Variants in RBM34 observed in about 807,000 individuals in gnomAD.
RBM34 encodes the protein RNA binding motif protein 34.
In RBM34, 39 loss-of-function variants were observed where a neutral mutation model predicts 44.6. That is an observed-to-expected ratio of 0.87 (90% CI 0.68 to 1.14). RBM34 has a LOEUF of 1.14. Ranked by LOEUF, RBM34 falls within the 50% of genes most tolerant of loss-of-function variation. The pLI, the probability that RBM34 is intolerant of heterozygous loss-of-function variation, is 0.00. For synonymous variants in RBM34, 194 were observed against 184.0 expected, an observed-to-expected ratio of 1.05 and a Z score of -0.44; for missense variants, 572 against 517.9, an observed-to-expected ratio of 1.10 and a Z score of -1.01.
At chr1:235,156,169 C>G (rs924998561) in intron 3 of RBM34, among the ~76,000 whole-genome samples, 3 of 151,126 alleles carry the variant, frequency 2.0e-5, no homozygotes. Context: ...CGCCCAGTCT[C>G]CTTTTATATT....
chr1:235,160,243 C>G, intron 3 of RBM34: 1 of 566,378 alleles, frequency 1.8e-6, no homozygotes, highest in Non-Finnish European at 3.3e-6. Flanking sequence ...GGCATCAAGA[C>G]TCCATCTCAA....
At chr1:235,155,862 T>TATATATATATAC (rs1322918501) in intron 3 of RBM34, among the ~76,000 whole-genome samples, 21 of 39,952 alleles carry the variant, frequency 5.3e-4, no homozygotes, top group African/African-American at 2.8e-3. Context: ...TATATATATA[T>TATATATATATAC]ATATACATAT....
chr1:235,136,426 A>G (rs1661435918), intron 8 of RBM34, among the ~76,000 whole-genome samples: 1 of 152,182 alleles, frequency 6.6e-6, no homozygotes, highest in South Asian at 2.1e-4. Flanking sequence ...CTCTGCCATT[A>G]TACCTTGAGA....
At chr1:235,148,474 A>C (rs370971541) in intron 5 of RBM34, 27 bp from the exon 6 acceptor site, 16 of 1,555,924 alleles carry the variant, frequency 1.0e-5, no homozygotes, top group African/African-American at 2.8e-5. Flanking sequence ...AAAAGTATTA[A>C]AGACAGTATT....
chr1:235,146,678 T>C (rs1302486643), intron 6 of RBM34, among the ~76,000 whole-genome samples: 9 of 152,304 alleles, frequency 5.9e-5, no homozygotes, highest in African/African-American at 2.2e-4. Flanking sequence ...TGGAGTGCAA[T>C]GGCGTGATCT....
At chr1:235,154,043 G>A (rs1558147838) in intron 4 of RBM34, among the ~76,000 whole-genome samples, 1 of 151,924 alleles carries the variant, frequency 6.6e-6, no homozygotes, top group Non-Finnish European at 1.5e-5. Flanking sequence ...TCAGGAAATC[G>A]AGACCATCCT....
intron 10 of RBM34, among the ~76,000 whole-genome samples, chr1:235,133,520 A>T (rs1334738681): frequency 6.6e-6 from 1 of 152,212 alleles, no homozygotes; most frequent in Non-Finnish European, 1.5e-5. Context: ...GTTCACAGAG[A>T]CAAGTTCAAC....
At position 235,160,909 on chromosome 1, in the gene RBM34, T is replaced by G; in HGVS notation, c.212A>C (p.Tyr71Ser). 2 of 1,614,158 alleles carry G rather than the reference T, an allele frequency of 1.2e-6. No homozygotes were observed. Among genetic ancestry groups the G allele is most frequent in the Non-Finnish European group, 1.7e-6 (2 of 1,180,038 alleles). ...SSLEPQIQPV[Y>S]VPVPKQTIKK... ...GTGACTTACTTTAGGCACAGGCACG[T>G]ACACGGGTTGAATCTGGGGCTCCAG... is the stretch of plus-strand genomic sequence containing the variant. Residue 71 changes from tyrosine (Y) to serine (S), a missense_variant, in exon 2 of 11, where the codon TAC (tyrosine) becomes TCC (serine). Coordinates refer to ENST00000408888, the MANE Select transcript of RBM34 (RefSeq NM_015014.4).
chr1:235,160,605 T>C lies in RBM34; in HGVS notation c.271A>G (p.Thr91Ala). ...KTKRNEEEES[T>A]SQIERPLSQE... is the part of the protein sequence containing the mutation. The stretch of plus-strand genomic sequence containing the variant: ...GAAAGTGGTCTTTCAATCTGGGATG[T>C]ACTTTCTTCCTCCTCATTCCGTTTC... Residue 91 changes from threonine to alanine, a missense_variant, in exon 3 of 11, where the codon ACA becomes GCA. Thr to Ala is a moderately conservative substitution (Grantham distance 58). Coordinates refer to ENST00000408888, the MANE Select transcript of RBM34 (RefSeq NM_015014.4). 1.2e-6 allele frequency: 2 copies of C among 1,613,888 alleles called. No individual in the cohort carries two copies. The highest frequency in any genetic ancestry group is 1.7e-6 in the Non-Finnish European group (2 of 1,179,922).
At chr1:235,149,388 CAAAAAAAAAAA>C (rs1171671362) in intron 5 of RBM34, among the ~76,000 whole-genome samples, 1 of 58,002 alleles carries the variant, frequency 1.7e-5, no homozygotes, top group African/African-American at 6.1e-5. Context: ...GACTCCGTCT[CAAAAAAAAAAA>C]AAAAAAAAGG....
intron 6 of RBM34, 132 bp downstream of exon 6, chr1:235,148,272 G>T: frequency 1.8e-6 from 1 of 548,708 alleles, no homozygotes; most frequent in Non-Finnish European, 3.0e-6. Context: ...AAATACAGAA[G>T]CAAACAGTCA....
Position 235,131,717 on chromosome 1 carries a change from TTC to T in RBM34, c.1287_1288del (p.Lys430IlefsTer12), listed in dbSNP as rs1661203257. The T allele has an allele frequency of 6.3e-7, 1 of 1,584,454 alleles. No homozygotes were observed. The highest frequency in any genetic ancestry group is 8.6e-7 in the Non-Finnish European group (1 of 1,169,092). ...AGAAAAAGCAGTTCCTGGTTGTTAT[TTC>T]TGTTTTCTCTGTTTCTTAGGGCGTC... On this transcript the variant is annotated frameshift_variant, in exon 11 of 11. Coordinates refer to ENST00000408888, the MANE Select transcript of RBM34 (RefSeq NM_015014.4). LOFTEE classifies it high-confidence loss of function.
intron 10 of RBM34, among the ~76,000 whole-genome samples, 199 bp downstream of exon 10, chr1:235,135,453 T>A (rs1371203349): frequency 6.6e-6 from 1 of 151,934 alleles, no homozygotes; most frequent in Non-Finnish European, 1.5e-5. Flanking sequence ...GGTCTCAAAC[T>A]CCTGAGCTCA....
chr1:235,145,526 C>A (rs1661867654), intron 6 of RBM34, among the ~76,000 whole-genome samples: 1 of 152,176 alleles, frequency 6.6e-6, no homozygotes, highest in African/African-American at 2.4e-5. Context: ...AATCCACCCA[C>A]CTCAGCATCC....
chr1:235,156,018 C>G (rs1299514874), intron 3 of RBM34, among the ~76,000 whole-genome samples: 2 of 149,722 alleles, frequency 1.3e-5, no homozygotes, highest in East Asian at 2.0e-4. Flanking sequence ...TTACAGGCAC[C>G]TGCCACCAAG....
chr1:235,145,576 C>A (rs940229254), intron 6 of RBM34, among the ~76,000 whole-genome samples: 3 of 152,118 alleles, frequency 2.0e-5, no homozygotes, highest in Non-Finnish European at 2.9e-5. Context: ...TCTTCCCTGG[C>A]CAACATACTG....
chr1:235,141,097 C>T (rs984669135), intron 6 of RBM34, among the ~76,000 whole-genome samples: 3 of 150,072 alleles, frequency 2.0e-5, no homozygotes, highest in Admixed American at 1.3e-4. Flanking sequence ...ATACACCAAT[C>T]GGCACTCTGT....
At chr1:235,148,685 A>C (rs536027069) in intron 5 of RBM34, among the ~76,000 whole-genome samples, 1 of 150,212 alleles carries the variant, frequency 6.7e-6, no homozygotes, top group Admixed American at 6.7e-5. Context: ...TGCAAGCTCC[A>C]CCTGCTGGGT....
At chr1:235,133,671 AC>A (rs1193234094) in intron 10 of RBM34, among the ~76,000 whole-genome samples, 4 of 152,236 alleles carry the variant, frequency 2.6e-5, no homozygotes, top group Non-Finnish European at 4.4e-5. Flanking sequence ...GATTCAATCA[AC>A]TGCAGATAGA....
Sources: allele counts gnomAD v4.1 joint callset (sites outside exome capture counted in the v4.1 genomes callset), GRCh38; gene constraint gnomAD v4.1.1; transcripts MANE v1.5; gene names NCBI Gene and HGNC (gene_info 2026-07-23, HGNC 2026-07-21).